NKX2-5: variants seen among roughly 807,000 people sequenced by gnomAD.
The protein encoded by NKX2-5 is NK2 homeobox 5.
Under a neutral mutation model 24.5 loss-of-function variants are expected in NKX2-5, and 3 were observed. The observed-to-expected ratio is 0.12, with a 90% confidence interval of 0.06 to 0.32. The LOEUF (loss-of-function observed/expected upper bound fraction) is 0.32. Among genes scored for constraint, NKX2-5 ranks in the 10% least tolerant of loss-of-function variants. NKX2-5 has a pLI of 1.00. For missense variants in NKX2-5, 429 were observed against 452.4 expected (o/e 0.95, Z 0.47); for synonymous variants, 215 against 217.6 (o/e 0.99, Z 0.11).
At chr5:173,234,254 A>AGAGGAAAGGC in intron 1 of NKX2-5, 1 of 1,208,554 alleles carries the variant, frequency 8.3e-7, no homozygotes. Flanking sequence ...AGGCACCAGA[A>AGAGGAAAGGC]ACCCGGGTCG....
chr5:173,232,894 C>T lies in NKX2-5; in HGVS notation c.650G>A (p.Arg217Lys), dbSNP rs751684900. ...LPPPPPPPAR[R>K]IAVPVLVRDG... is the part of the protein sequence containing the mutation. ...GCGCACCAGCACTGGCACCGCGATCCTGCGGGCAGGCGGCGGCGGCGGCGG... is the reference window on the plus strand; with the variant it reads ...GCGCACCAGCACTGGCACCGCGATCTTGCGGGCAGGCGGCGGCGGCGGCGG... Residue 217 changes from arginine to lysine, a missense_variant, in exon 2 of 2, where the codon AGG (arginine) becomes AAG (lysine). Transcript: ENST00000329198. The surrounding 1 kb of genome is among the most constrained non-coding windows in gnomAD (Gnocchi z 5.9). 44 of 1,608,890 alleles carry T rather than the reference C, an allele frequency of 2.7e-5. No individual in the cohort carries two copies. The highest frequency in any genetic ancestry group is 3.1e-5 in the Non-Finnish European group (36 of 1,178,376).
In NKX2-5 at chr5:173,232,659, G is replaced by A. The variant is rs150581386; in HGVS notation, c.885C>T (p.Phe295=). The A allele has an allele frequency of 1.9e-6, 3 of 1,612,714 alleles. No homozygotes were observed. The highest frequency in any genetic ancestry group is 1.7e-6 in the Non-Finnish European group (2 of 1,179,252). ...TAAANNNFVN[F]GVGDLNAVQS... Reference sequence around the variant, plus strand: ...GAACCGCATTCAAGTCCCCGACGCCGAAGTTCACGAAGTTGTTGTTGGCGG... The same window carrying A: ...GAACCGCATTCAAGTCCCCGACGCCAAAGTTCACGAAGTTGTTGTTGGCGG... The change falls in exon 2 of 2, where the codon TTC becomes TTT. Residue 295 remains phenylalanine (F), a synonymous_variant. Transcript: ENST00000329198. This position sits in a 1 kb window ranked among gnomAD's most constrained non-coding sequence, Gnocchi z 5.9.
At chr5:173,234,174 G>A in intron 1 of NKX2-5, 1 of 1,284,738 alleles carries the variant, frequency 7.8e-7, no homozygotes, top group South Asian at 1.2e-5. Flanking sequence ...ATTCCTGAGG[G>A]TCCGCAGTAT....
intron 1 of NKX2-5, chr5:173,233,536 A>AAAAAAAAAAAAC: frequency 2.1e-6 from 2 of 945,568 alleles, no homozygotes; most frequent in Non-Finnish European, 3.2e-6. Context: ...AAAAAATAAA[A>AAAAAAAAAAAAC]AAATAAAAAT....
rs373636712 is a variant in NKX2-5 at position 173,234,904 on chromosome 5, C to T, written c.180G>A (p.Glu60=). ...GCTCTGGGAGGCCCGGCGCAGCCGC[C>T]TCGGGCCCAGCGTAGGCCTCTGGCT... ...AFKPEAYAGP[E]AAAPGLPELR... is the part of the protein sequence containing the mutation. Residue 60 remains glutamate, a synonymous_variant, in exon 1 of 2, where the codon GAG becomes GAA. Coordinates refer to ENST00000329198, the MANE Select transcript of NKX2-5 (RefSeq NM_004387.4). 157 of 1,607,936 alleles carry T rather than the reference C, an allele frequency of 9.8e-5. No individual in the cohort carries two copies. The South Asian group carries it at 1.6e-3, about 17-fold the overall frequency.
chr5:173,232,319 G>T lies in NKX2-5; in HGVS notation c.*250C>A. 1 of 655,542 alleles carries T rather than the reference G, an allele frequency of 1.5e-6. No individual in the cohort carries two copies. Among genetic ancestry groups the T allele is most frequent in the Non-Finnish European group, 2.5e-6 (1 of 400,724 alleles). The allele number at this position is 655,542 out of a possible 1,614,324, so 40.6% of individuals were successfully genotyped here. A position where few individuals can be genotyped will look rare whatever the true frequency, so the allele number is the denominator to read the frequency against. On this transcript the variant is annotated 3_prime_UTR_variant, in exon 2 of 2. Coordinates refer to ENST00000329198, the MANE Select transcript of NKX2-5 (RefSeq NM_004387.4). The surrounding 1 kb of genome is among the most constrained non-coding windows in gnomAD (Gnocchi z 5.9). ...CCGGGGGTGCCCATGGACTCTCGGA[G>T]GGCACTCCTGGGGGGACAGCTAAGA...
Position 173,232,130 on chromosome 5 carries a change from G to C in NKX2-5, c.*439C>G, listed in dbSNP as rs1372841207. 5.2e-6 allele frequency: 1 copy of C among 191,244 alleles called. No individual in the cohort carries two copies. The highest frequency in any genetic ancestry group is 1.1e-4 in the South Asian group (1 of 9,460). The allele number at this position is 191,244 out of a possible 1,614,324, so 11.8% of individuals were successfully genotyped here. On this transcript the variant is annotated 3_prime_UTR_variant, in exon 2 of 2. Transcript: ENST00000329198. The surrounding 1 kb of genome is among the most constrained non-coding windows in gnomAD (Gnocchi z 5.9). The stretch of plus-strand genomic sequence containing the variant: ...GGGGTCAACGCACTCTCTTTAATGG[G>C]AAGGGGATCGTCATTTCTTACAGCA...
chr5:173,233,270 G>T, intron 1 of NKX2-5, 61 bp from the exon 2 acceptor site: 1 of 1,566,686 alleles, frequency 6.4e-7, no homozygotes, highest in Non-Finnish European at 8.6e-7. Flanking sequence ...TACGGAGCGC[G>T]GCCGCACAGT....
chr5:173,233,526 A>AT (rs1561620300), intron 1 of NKX2-5: 4 of 885,666 alleles, frequency 4.5e-6, no homozygotes, highest in East Asian at 2.6e-5. Flanking sequence ...AAAATAAATA[A>AT]AAAAATAAAA....
At position 173,232,884 on chromosome 5, in the gene NKX2-5, C is replaced by T; in HGVS notation, c.660G>A (p.Val220=). ...GCTTGCCATCGCGCACCAGCACTGGCACCGCGATCCTGCGGGCAGGCGGCG... is the reference window on the plus strand; with the variant it reads ...GCTTGCCATCGCGCACCAGCACTGGTACCGCGATCCTGCGGGCAGGCGGCG... The part of the protein sequence containing the change: ...PPPPPARRIA[V]PVLVRDGKPC... Residue 220 remains valine, a synonymous_variant, in exon 2 of 2, where the codon GTG becomes GTA. Transcript: ENST00000329198. The surrounding 1 kb of genome is among the most constrained non-coding windows in gnomAD (Gnocchi z 5.9). 1 of 1,609,852 alleles carries T rather than the reference C, an allele frequency of 6.2e-7. No homozygotes were observed. Among genetic ancestry groups the T allele is most frequent in the East Asian group, 2.2e-5 (1 of 44,724 alleles).
rs762090105 is a variant in NKX2-5 at position 173,232,789 on chromosome 5, G to T, written c.755C>A (p.Ala252Asp). The T allele has an allele frequency of 6.2e-7, 1 of 1,611,332 alleles. No individual in the cohort carries two copies. Among genetic ancestry groups the T allele is most frequent in the Non-Finnish European group, 8.5e-7 (1 of 1,179,292 alleles). The change falls in exon 2 of 2, where the codon GCC becomes GAC. Residue 252 changes from alanine to aspartate, a missense_variant. Physicochemically the swap from Ala to Asp is moderately radical, Grantham distance 126 (BLOSUM62 -2). Around this residue, in one of 3 missense-constraint regions of NKX2-5, gnomAD observed 183 missense variants for 185.9 expected, o/e 0.98. Coordinates refer to ENST00000329198, the MANE Select transcript of NKX2-5 (RefSeq NM_004387.4). The surrounding 1 kb of genome is among the most constrained non-coding windows in gnomAD (Gnocchi z 5.9). ...GCCGTAACCCGGATAGGCGGGGTAGGCGTTATAACCGTAGGGATTGAGGCC... is the reference window on the plus strand; with the variant it reads ...GCCGTAACCCGGATAGGCGGGGTAGTCGTTATAACCGTAGGGATTGAGGCC... Reference protein sequence around the residue: ...GVGLNPYGYNAYPAYPGYGGA... With the variant: ...GVGLNPYGYNDYPAYPGYGGA...
rs1456289029 is a variant in NKX2-5 at position 173,233,058 on chromosome 5, G to A, written c.486C>T (p.Tyr162=). ...GCTGGTCGCGTTCGGGGGCCGACAG[G>A]TACCGCTGCTGCTTGAAGCGCCGCT... ...ELERRFKQQR[Y]LSAPERDQLA... The change falls in exon 2 of 2, where the codon TAC becomes TAT. Residue 162 remains tyrosine (Y), a synonymous_variant. Transcript: ENST00000329198. The A allele has an allele frequency of 6.2e-7, 1 of 1,604,206 alleles. No individual in the cohort carries two copies. Among genetic ancestry groups the A allele is most frequent in the African/African-American group, 1.3e-5 (1 of 74,780 alleles).
At chr5:173,233,958 G>T (rs1761400801) in intron 1 of NKX2-5, 2 of 1,210,088 alleles carry the variant, frequency 1.7e-6, no homozygotes, top group African/African-American at 3.2e-5. Context: ...TCCTGCCTTG[G>T]GCTGGGGGGT....
In NKX2-5 at chr5:173,232,509, C is replaced by T; in HGVS notation, c.*60G>A. On this transcript the variant is annotated 3_prime_UTR_variant, in exon 2 of 2. Transcript: ENST00000329198. The surrounding 1 kb of genome is among the most constrained non-coding windows in gnomAD (Gnocchi z 5.9). The stretch of plus-strand genomic sequence containing the variant: ...TCATGTTGGGAGCCCCTTCTCCCCC[C>T]GAGAGTCAGGGAGCTGTTGAGGTGG... 1 of 1,592,360 alleles carries T rather than the reference C, an allele frequency of 6.3e-7. No homozygotes were observed. Among genetic ancestry groups the T allele is most frequent in the Non-Finnish European group, 8.5e-7 (1 of 1,176,578 alleles).
In NKX2-5 at chr5:173,233,505, C is replaced by CA. The variant is rs763099269; in HGVS notation, c.335-297dup. On this transcript the variant is annotated intron_variant, in intron 1 of 1. Transcript: ENST00000329198. Reference sequence around the variant, plus strand: ...GACGGTGACTTAAAATTTCAGGCTGCAAAAAAAAAAAAAATAAATAAAAAA... The same window carrying CA: ...GACGGTGACTTAAAATTTCAGGCTGCAAAAAAAAAAAAAAATAAATAAAAAA... 65,664 of 480,940 alleles carry CA rather than the reference C, an allele frequency of 0.14. 1,570 individuals carry two copies. The highest frequency in any genetic ancestry group is 0.19 in the African/African-American group (6,013 of 31,522). 29.8% of individuals were successfully genotyped at this position (480,940 alleles called of 1,614,324 possible). A position where few individuals can be genotyped will look rare whatever the true frequency, so the allele number is the denominator to read the frequency against.
At chr5:173,233,872 A>G (rs1488634790) in intron 1 of NKX2-5, 4 of 985,402 alleles carry the variant, frequency 4.1e-6, no homozygotes, top group Non-Finnish European at 4.8e-6. Flanking sequence ...AAACCTATGA[A>G]TTCTCTCCCG....
At chr5:173,233,813 C>G (rs1427457447) in intron 1 of NKX2-5, 160 of 983,430 alleles carry the variant, frequency 1.6e-4, no homozygotes, top group Non-Finnish European at 1.8e-4. Flanking sequence ...GCGATCAGTT[C>G]TAGCCGCCGT....
chr5:173,233,652 A>T (rs1275685316), intron 1 of NKX2-5, among the ~76,000 whole-genome samples: 1 of 152,190 alleles, frequency 6.6e-6, no homozygotes, highest in African/African-American at 2.4e-5. Flanking sequence ...CTTATCTCAA[A>T]ATTAAGGAAT....
chr5:173,233,764 G>C, intron 1 of NKX2-5: 1 of 872,932 alleles, frequency 1.1e-6, no homozygotes, highest in Non-Finnish European at 1.4e-6. Context: ...GTGGGCAGGC[G>C]GCCTCGGAAC....
Sources: allele counts gnomAD v4.1 joint callset (sites outside exome capture counted in the v4.1 genomes callset), GRCh38; gene constraint gnomAD v4.1.1; regional missense constraint gnomAD v4.1.1; non-coding constraint Gnocchi (gnomAD v3.1); transcripts MANE v1.5; gene names NCBI Gene and HGNC (gene_info 2026-07-23, HGNC 2026-07-21).